Variants in LAMA2 observed in about 807,000 individuals in gnomAD.
LAMA2 encodes the protein laminin subunit alpha-2.
In LAMA2, 269 loss-of-function variants were observed where a neutral mutation model predicts 364.8. The ratio of observed to expected loss-of-function variants is 0.74; its 90% CI spans 0.67 to 0.82. The LOEUF is 0.82. LAMA2 is among the 40% of genes least tolerant of loss of function. The probability of loss-of-function intolerance (pLI) is 0.00; values close to 1 mark genes in which losing one functional copy is unlikely to be tolerated. For synonymous variants in LAMA2, 1,379 were observed against 1,370.6 expected, an observed-to-expected ratio of 1.01 and a Z score of -0.14; for missense variants, 3,807 against 3,873.2, an observed-to-expected ratio of 0.98 and a Z score of 0.45.
At chr6:129,391,360 G>T in intron 35 of LAMA2, 131 bp from the exon 36 acceptor site, 4 of 786,390 alleles carry the variant, frequency 5.1e-6, no homozygotes, top group South Asian at 1.4e-5. Flanking sequence ...TGCCTCTGTG[G>T]TTCCCAGCAG....
chr6:129,403,831 G>A lies in LAMA2; in HGVS notation c.5737G>A (p.Glu1913Lys), dbSNP rs775172799. ...SSAVLDGILDEAKNISFNATA... is the reference protein window; with the variant it reads ...SSAVLDGILDKAKNISFNATA... The stretch of plus-strand genomic sequence containing the variant: ...GAATCATCCCACCAGAATCCTTGAT[G>A]AGGCTAAAAACATCTCCTTCAATGC... The change falls in exon 40 of 65, where the codon GAG becomes AAG. Residue 1913 changes from glutamate (E) to lysine (K), a missense_variant. Coordinates refer to ENST00000421865, the MANE Select transcript of LAMA2 (RefSeq NM_000426.4). 2 of 1,613,304 alleles carry A rather than the reference G, an allele frequency of 1.2e-6. No individual in the cohort carries two copies. The highest frequency in any genetic ancestry group is 1.3e-5 in the African/African-American group (1 of 74,898).
intron 11 of LAMA2, among the ~76,000 whole-genome samples, chr6:129,192,072 C>T (rs1781550155): frequency 6.6e-6 from 1 of 152,204 alleles, no homozygotes; most frequent in Admixed American, 6.5e-5. Flanking sequence ...GGAATACATA[C>T]AGTATTGCCA....
intron 49 of LAMA2, among the ~76,000 whole-genome samples, 194 bp from the exon 50 acceptor site, chr6:129,464,096 A>G (rs1583812866): frequency 6.6e-6 from 1 of 151,952 alleles, no homozygotes; most frequent in Non-Finnish European, 1.5e-5. Flanking sequence ...ACACCTCATG[A>G]AAGGTGAGAG....
Position 129,403,827 on chromosome 6 carries a change from T to G in LAMA2, c.5733T>G (p.Leu1911=). The G allele has an allele frequency of 6.2e-7, 1 of 1,613,412 alleles. No individual in the cohort carries two copies. Among genetic ancestry groups the G allele is most frequent in the Non-Finnish European group, 8.5e-7 (1 of 1,179,572 alleles). Reference sequence around the variant, plus strand: ...TTTTGAATCATCCCACCAGAATCCTTGATGAGGCTAAAAACATCTCCTTCA... The same window carrying G: ...TTTTGAATCATCCCACCAGAATCCTGGATGAGGCTAAAAACATCTCCTTCA... ...NDSSAVLDGI[L]DEAKNISFNA... Residue 1911 remains leucine (L), a synonymous_variant, in exon 40 of 65, where the codon CTT becomes CTG. Coordinates refer to ENST00000421865, the MANE Select transcript of LAMA2 (RefSeq NM_000426.4).
chr6:129,514,510 T>A lies in LAMA2; in HGVS notation c.9126T>A (p.Asp3042Glu), dbSNP rs773403088. The A allele has an allele frequency of 1.9e-6, 3 of 1,614,094 alleles. No individual in the cohort carries two copies. The highest frequency in any genetic ancestry group is 2.5e-6 in the Non-Finnish European group (3 of 1,179,990). Reference sequence around the variant, plus strand: ...AACACCGCATTGAGCTCACAGTCGATGGGAACCAGGTGGAAGCCCAAAGCC... The same window carrying A: ...AACACCGCATTGAGCTCACAGTCGAAGGGAACCAGGTGGAAGCCCAAAGCC... ...KIKHRIELTV[D>E]GNQVEAQSPN... The change falls in exon 64 of 65, where the codon GAT becomes GAA. Residue 3042 changes from aspartate (D) to glutamate (E), a missense_variant. Physicochemically the swap from Asp to Glu is conservative, Grantham distance 45. This residue lies in a region of LAMA2 where 3,333 missense variants were observed against 3,345.7 expected (regional missense o/e 1.00). Coordinates refer to ENST00000421865, the MANE Select transcript of LAMA2 (RefSeq NM_000426.4).
At chr6:129,363,242 C>T (rs1048432675) in intron 32 of LAMA2, among the ~76,000 whole-genome samples, 8 of 152,034 alleles carry the variant, frequency 5.3e-5, no homozygotes, top group Middle Eastern at 3.4e-3. Context: ...AGTTTGAGGC[C>T]GCAGTGAGTC....
At chr6:129,507,019 C>T (rs1413645884) in intron 61 of LAMA2, among the ~76,000 whole-genome samples, 3 of 151,910 alleles carry the variant, frequency 2.0e-5, no homozygotes, top group Admixed American at 2.0e-4. Context: ...AGGGGAGGGT[C>T]TGCTGCTTTC....
chr6:129,237,296 AT>A (rs1177348824), intron 12 of LAMA2, among the ~76,000 whole-genome samples: 1 of 151,334 alleles, frequency 6.6e-6, no homozygotes, highest in South Asian at 2.1e-4. Flanking sequence ...CATTTTCAAT[AT>A]TTTTTACTAC....
intron 12 of LAMA2, among the ~76,000 whole-genome samples, chr6:129,230,899 C>A (rs1027779847): frequency 6.6e-6 from 1 of 152,030 alleles, no homozygotes; most frequent in African/African-American, 2.4e-5. Context: ...TCCCTAAATG[C>A]TATTAGTACT....
intron 4 of LAMA2, among the ~76,000 whole-genome samples, chr6:129,111,282 A>G (rs1314537326): frequency 2.0e-5 from 3 of 152,040 alleles, no homozygotes. Flanking sequence ...AATGTTGCTC[A>G]ATTCTGCTAC....
intron 8 of LAMA2, among the ~76,000 whole-genome samples, chr6:129,161,464 A>C (rs1383947587): frequency 2.0e-5 from 3 of 152,138 alleles, no homozygotes; most frequent in African/African-American, 7.2e-5. Flanking sequence ...TGTTAAACAA[A>C]TATTTTTCAG....
chr6:129,097,503 G>A (rs1775260839), intron 3 of LAMA2, among the ~76,000 whole-genome samples: 1 of 151,988 alleles, frequency 6.6e-6, no homozygotes, highest in African/African-American at 2.4e-5. Context: ...TTTCTTGCAT[G>A]TTTACCTTTT....
chr6:129,421,360 CAGAA>C (rs1490743260), intron 40 of LAMA2, among the ~76,000 whole-genome samples: 7 of 151,070 alleles, frequency 4.6e-5, no homozygotes, highest in African/African-American at 1.5e-4. Flanking sequence ...TACACAGACT[CAGAA>C]AGAGAATACC....
intron 1 of LAMA2, among the ~76,000 whole-genome samples, chr6:128,933,131 C>T (rs762269074): frequency 6.6e-6 from 1 of 152,122 alleles, no homozygotes; most frequent in Non-Finnish European, 1.5e-5. Context: ...TCACCTAGCA[C>T]AATGCCCTTC....
intron 1 of LAMA2, among the ~76,000 whole-genome samples, chr6:128,957,465 A>G (rs959818540): frequency 2.6e-5 from 4 of 151,938 alleles, no homozygotes; most frequent in Non-Finnish European, 5.9e-5. Context: ...TAATTTTTCC[A>G]GGCTGAAATA....
At position 129,438,653 on chromosome 6, in the gene LAMA2, A is replaced by AATTC; in HGVS notation, c.5976_5977insATTC (p.Asp1993IlefsTer15). On this transcript the variant is annotated frameshift_variant, in exon 42 of 65. Transcript: ENST00000421865. LOFTEE classifies it high-confidence loss of function. ...TTTGTTTTTTATTCGCAGAAAATGA[A>AATTC]GACCATCTAAATGGCTTAAAAACCA... is the stretch of plus-strand genomic sequence containing the variant. 6.4e-7 allele frequency: 1 copy of AATTC among 1,559,436 alleles called. No homozygotes were observed. The highest frequency in any genetic ancestry group is 8.8e-7 in the Non-Finnish European group (1 of 1,130,676).
rs531362716 is a variant in LAMA2 at position 129,405,985 on chromosome 6, A to G, written c.5865+2026A>G. On this transcript the variant is annotated intron_variant, in intron 40 of 64. Coordinates refer to ENST00000421865, the MANE Select transcript of LAMA2 (RefSeq NM_000426.4). ...AACTTAAAAGGAAAAACAAAGAAAC[A>G]ATTTATACATTTGCAGGAGAAAAGG... Among the ~76,000 whole-genome samples the G allele has an allele frequency of 1.4e-3, 218 of 152,226 alleles. 1 individual carries two copies. Among genetic ancestry groups the G allele is most frequent in the African/African-American group, 5.1e-3 (212 of 41,564 alleles).
chr6:129,136,136 C>A (rs1405069833), intron 4 of LAMA2, among the ~76,000 whole-genome samples: 6 of 151,768 alleles, frequency 4.0e-5, no homozygotes, highest in Non-Finnish European at 8.8e-5. Context: ...GTACGTCATG[C>A]CCAATGGGAA....
At chr6:129,063,679 C>T (rs374861782) in intron 3 of LAMA2, among the ~76,000 whole-genome samples, 3 of 152,098 alleles carry the variant, frequency 2.0e-5, no homozygotes, top group Admixed American at 6.5e-5. Context: ...ACTAAGAATG[C>T]GTTTACCAAA....
Sources: allele counts gnomAD v4.1 joint callset (sites outside exome capture counted in the v4.1 genomes callset), GRCh38; gene constraint gnomAD v4.1.1; regional missense constraint gnomAD v4.1.1; transcripts MANE v1.5; gene names NCBI Gene and HGNC (gene_info 2026-07-23, HGNC 2026-07-21).